Variants in SEC24D observed in about 807,000 individuals in gnomAD.
The protein encoded by SEC24D is SEC24 homolog D, COPII component, also known as protein transport protein Sec24D.
In SEC24D, 69 loss-of-function variants were observed where a neutral mutation model predicts 116.9. The observed-to-expected ratio is 0.59, with a 90% CI of 0.49 to 0.72. The LOEUF (loss-of-function observed/expected upper bound fraction) is 0.72, where lower values mean the gene tolerates loss of function less well. SEC24D is among the 30% of genes least tolerant of loss of function. The pLI, the probability that SEC24D is intolerant of heterozygous loss-of-function variation, is 0.00. For missense variants in SEC24D, 1,131 were observed against 1,264.1 expected, an observed-to-expected ratio of 0.89 and a Z score of 1.60; for synonymous variants, 405 against 442.8, an observed-to-expected ratio of 0.91 and a Z score of 1.07.
chr4:118,825,505 G>A (rs1463179167), intron 2 of SEC24D: 12 of 448,790 alleles, frequency 2.7e-5, no homozygotes, highest in Non-Finnish European at 4.9e-5. Flanking sequence ...AGAAATTGCA[G>A]TAAAGGAGAG....
chr4:118,728,937 G>A (rs1015980903), intron 21 of SEC24D: 2 of 252,124 alleles, frequency 7.9e-6, no homozygotes, highest in Admixed American at 5.1e-5. Context: ...TCAGCCCTCT[G>A]TATCCATGGG....
At chr4:118,793,739 T>C (rs911741042) in intron 8 of SEC24D, among the ~76,000 whole-genome samples, 1 of 152,200 alleles carries the variant, frequency 6.6e-6, no homozygotes, top group African/African-American at 2.4e-5. Context: ...TTCCTTTAAA[T>C]AGAGAGTGTC....
chr4:118,799,818 AAGG>A (rs1187584980), intron 7 of SEC24D, among the ~76,000 whole-genome samples: 1 of 152,188 alleles, frequency 6.6e-6, no homozygotes, highest in Non-Finnish European at 1.5e-5. Context: ...GAGATAACAG[AAGG>A]AGAAGAATTG....
chr4:118,764,917 A>C lies in SEC24D; in HGVS notation c.1181T>G (p.Val394Gly). The C allele has an allele frequency of 6.7e-7, 1 of 1,492,620 alleles. No homozygotes were observed. Among genetic ancestry groups the C allele is most frequent in the African/African-American group, 1.4e-5 (1 of 72,482 alleles). 92.5% of individuals were successfully genotyped at this position (1,492,620 alleles called of 1,614,324 possible). A position where few individuals can be genotyped will look rare whatever the true frequency, so the allele number is the denominator to read the frequency against. The change falls in exon 10 of 23, where the codon GTT becomes GGT. Residue 394 changes from valine to glycine, a missense_variant and splice_region_variant. Physicochemically the swap from Val to Gly is moderately radical, Grantham distance 109 (BLOSUM62 -3). Transcript: ENST00000280551. ...CAGATGTTGGAAATAGAATGGTGGA[A>C]CTAATAAAAACAAAATAGGAAAGAA... ...QCGFCNCVND[V>G]PPFYFQHLDH... is the part of the protein sequence containing the mutation.
chr4:118,815,262 T>G, intron 5 of SEC24D, 107 bp from the exon 6 acceptor site: 1 of 1,450,570 alleles, frequency 6.9e-7, no homozygotes, highest in Non-Finnish European at 9.3e-7. Flanking sequence ...TTTTTCATCT[T>G]ATTAAAAAAA....
intron 22 of SEC24D, 126 bp from the exon 23 acceptor site, chr4:118,723,781 G>T (rs1305293619): frequency 1.9e-6 from 2 of 1,047,168 alleles, no homozygotes; most frequent in Non-Finnish European, 2.7e-6. Flanking sequence ...GGCTATGGAG[G>T]ATGATGGGAA....
chr4:118,768,021 G>C (rs1260849688), intron 9 of SEC24D, 152 bp downstream of exon 9: 2 of 537,516 alleles, frequency 3.7e-6, no homozygotes, highest in Non-Finnish European at 6.2e-6. Flanking sequence ...TTCCCAAATA[G>C]AGCCTGTCAT....
Position 118,724,116 on chromosome 4 carries a change from T to TGA in SEC24D, c.2959-463_2959-462dup, listed in dbSNP as rs143086327. 3.8e-3 allele frequency among the ~76,000 whole-genome samples: 579 copies of TGA among 152,042 alleles called. 5 individuals are homozygous for TGA. Among genetic ancestry groups the TGA allele is most frequent in the African/African-American group, 0.013 (551 of 41,458 alleles). On this transcript the variant is annotated intron_variant, in intron 22 of 22. Coordinates refer to ENST00000280551, the MANE Select transcript of SEC24D (RefSeq NM_014822.4). ...CCAGTGAAGGTGCAGAAGAATGAAA[T>TGA]GAGAGAGTTAAGTGGCAGCAGTATG... is the stretch of plus-strand genomic sequence containing the variant.
chr4:118,757,262 T>C (rs1374732128), intron 11 of SEC24D, among the ~76,000 whole-genome samples: 1 of 152,212 alleles, frequency 6.6e-6, no homozygotes, highest in Non-Finnish European at 1.5e-5. Context: ...GCAGTAAAGC[T>C]GCAAATGGGT....
At position 118,752,896 on chromosome 4, in the gene SEC24D, GA is replaced by G. The variant is rs71595318; in HGVS notation, c.1422-9del. The G allele has an allele frequency of 7.4e-4, 1,027 of 1,394,648 alleles. No individual in the cohort carries two copies. The highest frequency in any genetic ancestry group is 2.1e-3 in the South Asian group (140 of 67,550). 86.4% of individuals were successfully genotyped at this position (1,394,648 alleles called of 1,614,324 possible). On this transcript the variant is annotated splice_polypyrimidine_tract_variant and intron_variant, in intron 11 of 22. Transcript: ENST00000280551. ...GTCTCTTCTTGCTCTTCCCTGTAAG[GA>G]AAAAAAAAAGTGTTTGAGATGCTTT...
intron 19 of SEC24D, among the ~76,000 whole-genome samples, chr4:118,733,582 T>C (rs1725808520): frequency 6.6e-6 from 1 of 152,156 alleles, no homozygotes; most frequent in South Asian, 2.1e-4. Context: ...GTCCATGTTG[T>C]AAGATGCTTG....
intron 10 of SEC24D, among the ~76,000 whole-genome samples, chr4:118,760,054 C>A (rs1046390519): frequency 1.3e-5 from 2 of 152,222 alleles, no homozygotes; most frequent in Non-Finnish European, 2.9e-5. Flanking sequence ...GACTTGTCCA[C>A]CTCACTTAGC....
At chr4:118,809,106 T>C (rs1729796183) in intron 6 of SEC24D, among the ~76,000 whole-genome samples, 1 of 152,118 alleles carries the variant, frequency 6.6e-6, no homozygotes, top group African/African-American at 2.4e-5. Flanking sequence ...CCCGAGTAGC[T>C]GGGACTACAG....
At chr4:118,750,427 G>C (rs1726765472) in intron 13 of SEC24D, among the ~76,000 whole-genome samples, 1 of 152,152 alleles carries the variant, frequency 6.6e-6, no homozygotes, top group South Asian at 2.1e-4. Flanking sequence ...GGTTGAGCTG[G>C]AACTCTACAC....
chr4:118,746,029 A>G (rs13114964), intron 13 of SEC24D, among the ~76,000 whole-genome samples: 39,852 of 151,560 alleles, frequency 0.26, 6,337 homozygotes, highest in East Asian at 0.45. Flanking sequence ...TAAAAAGACT[A>G]GCTGAGCATG....
rs923564074 is a variant in SEC24D, at chr4:118,741,005, G to A, written c.2028C>T (p.Asp676=). 1.9e-6 allele frequency: 3 copies of A among 1,588,114 alleles called. No individual in the cohort carries two copies. In the African/African-American group the frequency reaches 4.0e-5, roughly 21 times the overall value. ...TTTTCTTTTCAATATCATTTCTGAG[G>A]TCGTTCAAAAATTGTTGTCTATCCA... ...MHLDRQQFLN[D]LRNDIEKKIG... is the part of the protein sequence containing the mutation. Residue 676 remains aspartate (D), a synonymous_variant, in exon 16 of 23, where the codon GAC becomes GAT. Transcript: ENST00000280551.
At chr4:118,809,841 T>G (rs758445388) in intron 6 of SEC24D, among the ~76,000 whole-genome samples, 11 of 152,078 alleles carry the variant, frequency 7.2e-5, no homozygotes, top group Non-Finnish European at 1.5e-4. Flanking sequence ...GTGCTGTGGA[T>G]ATGGAGTGGT....
intron 15 of SEC24D, among the ~76,000 whole-genome samples, 183 bp downstream of exon 15, chr4:118,743,805 T>G (rs984170689): frequency 5.9e-5 from 9 of 152,210 alleles, no homozygotes; most frequent in Admixed American, 5.9e-4. Context: ...CCGAGGTTGG[T>G]TGAAGCCAAG....
intron 5 of SEC24D, 80 bp from the exon 6 acceptor site, chr4:118,815,235 C>T: frequency 1.3e-6 from 2 of 1,522,322 alleles, no homozygotes; most frequent in Non-Finnish European, 1.8e-6. Flanking sequence ...TTATGCTGTT[C>T]AGTCAAGCAT....
Sources: gnomAD v4.1 joint callset for allele counts (sites outside exome capture counted in the v4.1 genomes callset) on GRCh38, gnomAD v4.1.1 for gene constraint, MANE v1.5 for transcripts, NCBI Gene and HGNC (gene_info 2026-07-23, HGNC 2026-07-21) for gene names.